The following GNAQ variants were observed in gnomAD, a reference collection of about 807,000 sequenced individuals.
GNAQ encodes G protein subunit alpha q.
GNAQ carries 8 observed loss-of-function variants against 43.9 expected under a neutral mutation model. The ratio of observed to expected loss-of-function variants is 0.18; its 90% CI spans 0.11 to 0.33. The LOEUF is 0.33. GNAQ is among the 10% of genes least tolerant of loss of function. The probability of loss-of-function intolerance (pLI) is 1.00; values close to 1 mark genes in which losing one functional copy is unlikely to be tolerated. For synonymous variants in GNAQ, 155 were observed against 170.7 expected, an observed-to-expected ratio of 0.91 and a Z score of 0.71; for missense variants, 158 against 450.8, an observed-to-expected ratio of 0.35 and a Z score of 5.88.
At chr9:77,861,334 C>T (rs993970573) in intron 2 of GNAQ, among the ~76,000 whole-genome samples, 1 of 152,122 alleles carries the variant, frequency 6.6e-6, no homozygotes, top group African/African-American at 2.4e-5. Flanking sequence ...GGGGAAACAG[C>T]CAAACCATTA....
chr9:77,738,317 CCA>C (rs10637243), intron 5 of GNAQ, among the ~76,000 whole-genome samples: 6 of 150,822 alleles, frequency 4.0e-5, no homozygotes, highest in South Asian at 2.1e-4. Context: ...ACGCTACAAA[CCA>C]CACACACACA....
At chr9:77,791,985 A>T (rs1826582339) in intron 5 of GNAQ, among the ~76,000 whole-genome samples, 1 of 152,190 alleles carries the variant, frequency 6.6e-6, no homozygotes, top group Non-Finnish European at 1.5e-5. Context: ...ATGATTAAGG[A>T]AGCTGAGAGG....
chr9:77,966,331 G>A (rs778235828), intron 1 of GNAQ, among the ~76,000 whole-genome samples: 1 of 151,892 alleles, frequency 6.6e-6, no homozygotes, highest in South Asian at 2.1e-4. Context: ...CAATTACATC[G>A]CAAAAAAACT....
At chr9:77,825,849 C>A (rs976321317) in intron 2 of GNAQ, among the ~76,000 whole-genome samples, 2 of 152,118 alleles carry the variant, frequency 1.3e-5, no homozygotes, top group African/African-American at 2.4e-5. Flanking sequence ...CAAACTAGGA[C>A]TTATGATCAA....
intron 2 of GNAQ, among the ~76,000 whole-genome samples, chr9:77,841,002 A>G (rs1303772611): frequency 6.6e-6 from 1 of 152,156 alleles, no homozygotes; most frequent in Non-Finnish European, 1.5e-5. Context: ...ATGGTAGAAG[A>G]AACAGCACTC....
intron 2 of GNAQ, among the ~76,000 whole-genome samples, chr9:77,896,646 C>A (rs1828508048): frequency 1.3e-5 from 2 of 152,138 alleles, no homozygotes; most frequent in Admixed American, 1.3e-4. Context: ...TTTCTCATTT[C>A]TTTGTTCCAA....
At chr9:78,013,976 G>T (rs1379138940) in intron 1 of GNAQ, among the ~76,000 whole-genome samples, 6 of 152,132 alleles carry the variant, frequency 3.9e-5, no homozygotes, top group Non-Finnish European at 8.8e-5. Flanking sequence ...CTCCCATGCA[G>T]GGGAGGGACA....
intron 5 of GNAQ, among the ~76,000 whole-genome samples, chr9:77,761,918 C>T (rs1339675480): frequency 4.8e-5 from 6 of 125,326 alleles, no homozygotes; most frequent in African/African-American, 9.0e-5. Context: ...GCCCCCCGCC[C>T]GGCCAGCCGC....
chr9:77,828,863 T>C (rs1827250227), intron 2 of GNAQ, among the ~76,000 whole-genome samples: 1 of 152,220 alleles, frequency 6.6e-6, no homozygotes, highest in Non-Finnish European at 1.5e-5. Context: ...ACTGGAATAT[T>C]GGATTAGATA....
At chr9:77,805,470 T>C (rs2118483631) in intron 3 of GNAQ, among the ~76,000 whole-genome samples, 1 of 152,158 alleles carries the variant, frequency 6.6e-6, no homozygotes, top group East Asian at 1.9e-4. Context: ...AATGGCATGA[T>C]CTTGGCTCAC....
intron 1 of GNAQ, among the ~76,000 whole-genome samples, chr9:78,019,425 C>T (rs965328950): frequency 3.9e-5 from 6 of 152,208 alleles, no homozygotes; most frequent in Non-Finnish European, 7.3e-5. Flanking sequence ...CAGAGCCAAA[C>T]TTGACTCCAA....
At chr9:77,934,041 A>T (rs1008070100) in intron 1 of GNAQ, among the ~76,000 whole-genome samples, 6 of 152,192 alleles carry the variant, frequency 3.9e-5, no homozygotes, top group African/African-American at 1.4e-4. Context: ...ACAGAGGAAA[A>T]GGCCTAAGAT....
intron 2 of GNAQ, among the ~76,000 whole-genome samples, chr9:77,818,817 T>C (rs533843482): frequency 2.4e-4 from 37 of 151,776 alleles, no homozygotes; most frequent in African/African-American, 6.0e-4. Context: ...CTGGGCAACA[T>C]GGCAAGACCC....
At position 77,760,272 on chromosome 9, in the gene GNAQ, T is replaced by A. The variant is rs961428266; in HGVS notation, c.736-31605A>T. Among the ~76,000 whole-genome samples, 787 of 151,100 alleles carry A rather than the reference T, an allele frequency of 5.2e-3. 2 individuals are homozygous for A. Among genetic ancestry groups the A allele is most frequent in the African/African-American group, 0.018 (742 of 41,102 alleles). On this transcript the variant is annotated intron_variant, in intron 5 of 6. Transcript: ENST00000286548. ...CTGATGCCGAGCCGAAGCTGGACTGTACTGCTGCCATCTCGGCTCACTGCA... is the reference window on the plus strand; with the variant it reads ...CTGATGCCGAGCCGAAGCTGGACTGAACTGCTGCCATCTCGGCTCACTGCA...
chr9:78,011,428 G>A (rs1436466238), intron 1 of GNAQ, among the ~76,000 whole-genome samples: 1 of 152,082 alleles, frequency 6.6e-6, no homozygotes, highest in Non-Finnish European at 1.5e-5. Context: ...CAAAGGACAT[G>A]CAAAAGAAAA....
At chr9:77,862,859 G>GCCT (rs1298617291) in intron 2 of GNAQ, among the ~76,000 whole-genome samples, 3 of 152,168 alleles carry the variant, frequency 2.0e-5, no homozygotes, top group Non-Finnish European at 4.4e-5. Context: ...CAGGACCCAA[G>GCCT]TCACTTCTTG....
intron 2 of GNAQ, among the ~76,000 whole-genome samples, chr9:77,870,459 GGGACT>G (rs1266402410): frequency 3.3e-5 from 5 of 151,592 alleles, no homozygotes; most frequent in South Asian, 2.1e-4. Context: ...GCCTGTAGCT[GGGACT>G]ACAGGCGCCT....
At chr9:77,911,239 T>A (rs115795698) in intron 2 of GNAQ, among the ~76,000 whole-genome samples, 1 of 152,202 alleles carries the variant, frequency 6.6e-6, no homozygotes, top group Non-Finnish European at 1.5e-5. Context: ...GGGAACATTA[T>A]GCAAAGACAG....
intron 1 of GNAQ, among the ~76,000 whole-genome samples, chr9:78,000,222 G>A (rs995229204): frequency 2.0e-5 from 3 of 152,124 alleles, no homozygotes; most frequent in African/African-American, 7.2e-5. Context: ...TAAAACTATA[G>A]GGAAATCAAA....
Sources: gnomAD v4.1 joint callset for allele counts (sites outside exome capture counted in the v4.1 genomes callset) on GRCh38, gnomAD v4.1.1 for gene constraint, MANE v1.5 for transcripts, NCBI Gene and HGNC (gene_info 2026-07-23, HGNC 2026-07-21) for gene names.